The following RARRES1 variants were observed in gnomAD, a reference collection of about 807,000 sequenced individuals.
RARRES1 encodes retinoic acid receptor responder protein 1.
Under a neutral mutation model 30.6 loss-of-function variants are expected in RARRES1, and 34 were observed. The observed-to-expected ratio is 1.11, with a 90% CI of 0.84 to 1.48. The LOEUF is 1.48. RARRES1 is among the 40% of genes most tolerant of loss of function. The probability of loss-of-function intolerance (pLI) is 0.00; values close to 1 mark genes in which losing one functional copy is unlikely to be tolerated. For synonymous variants in RARRES1, 153 were observed against 155.5 expected, an observed-to-expected ratio of 0.98 and a Z score of 0.12; for missense variants, 373 against 386.5, an observed-to-expected ratio of 0.97 and a Z score of 0.29.
intron 1 of RARRES1, among the ~76,000 whole-genome samples, chr3:158,730,115 T>C (rs548986451): frequency 3.2e-4 from 48 of 150,486 alleles, no homozygotes; most frequent in South Asian, 3.2e-3. Flanking sequence ...AGGTCAGGAG[T>C]TCGAGAACAG....
intron 2 of RARRES1, among the ~76,000 whole-genome samples, 161 bp from the exon 3 acceptor site, chr3:158,711,094 A>G (rs1230955631): frequency 6.6e-6 from 1 of 152,140 alleles, no homozygotes; most frequent in Non-Finnish European, 1.5e-5. Flanking sequence ...AGCTGAATAC[A>G]ACAGTCCTTC....
At chr3:158,728,536 G>GTTTTTTTTTTTTTT (rs1553746148) in intron 1 of RARRES1, among the ~76,000 whole-genome samples, 4 of 141,692 alleles carry the variant, frequency 2.8e-5, no homozygotes, top group Non-Finnish European at 3.0e-5. Context: ...TTTTTTTTTG[G>GTTTTTTTTTTTTTT]TTTTTGAGAC....
chr3:158,699,446 C>CA (rs1242880939), intron 4 of RARRES1, among the ~76,000 whole-genome samples: 2 of 142,590 alleles, frequency 1.4e-5, no homozygotes, highest in Admixed American at 1.4e-4. Context: ...CCCCCCCCCA[C>CA]CAAAAAAGTT....
Position 158,732,456 on chromosome 3 carries a change from T to C in RARRES1, c.-41A>G. 6.6e-7 allele frequency: 1 copy of C among 1,516,716 alleles called. No individual in the cohort carries two copies. Among genetic ancestry groups the C allele is most frequent in the Non-Finnish European group, 8.8e-7 (1 of 1,137,186 alleles). The allele number at this position is 1,516,716 out of a possible 1,614,324, so 94.0% of individuals were successfully genotyped here. A position where few individuals can be genotyped will look rare whatever the true frequency, so the allele number is the denominator to read the frequency against. On this transcript the variant is annotated 5_prime_UTR_variant, in exon 1 of 6. Transcript: ENST00000237696. ...GGCTCGGCACCCGACAGACACGGGC[T>C]CGGAGCGGGCAGTGCCGGCGCTCGC... is the stretch of plus-strand genomic sequence containing the variant.
At chr3:158,730,417 T>TTCCTTCCTTCCC (rs1434418366) in intron 1 of RARRES1, among the ~76,000 whole-genome samples, 1 of 144,908 alleles carries the variant, frequency 6.9e-6, no homozygotes, top group African/African-American at 2.5e-5. Context: ...CCTTCCTTCC[T>TTCCTTCCTTCCC]CTCTCTCTTT....
At chr3:158,729,628 A>G (rs929507950) in intron 1 of RARRES1, among the ~76,000 whole-genome samples, 2 of 151,820 alleles carry the variant, frequency 1.3e-5, no homozygotes, top group South Asian at 2.1e-4. Context: ...TTCTTTTTGT[A>G]TTTTTAGTAG....
At chr3:158,715,731 A>G (rs1727301370) in intron 1 of RARRES1, among the ~76,000 whole-genome samples, 1 of 152,226 alleles carries the variant, frequency 6.6e-6, no homozygotes, top group Admixed American at 6.5e-5. Context: ...ATGTTATATA[A>G]CATGGTCTCC....
At chr3:158,725,395 C>G (rs150497335) in intron 1 of RARRES1, among the ~76,000 whole-genome samples, 1 of 152,196 alleles carries the variant, frequency 6.6e-6, no homozygotes, top group Non-Finnish European at 1.5e-5. Context: ...GTATAACCTT[C>G]CATGCCTCAC....
intron 1 of RARRES1, among the ~76,000 whole-genome samples, chr3:158,724,732 G>C (rs138789967): frequency 1.8e-4 from 27 of 152,304 alleles, no homozygotes; most frequent in African/African-American, 6.5e-4. Context: ...CAGAATTACT[G>C]TGATCCTTAA....
chr3:158,700,871 A>G (rs548969551), intron 4 of RARRES1, among the ~76,000 whole-genome samples: 107 of 152,290 alleles, frequency 7.0e-4, no homozygotes, highest in Non-Finnish European at 1.3e-3. Flanking sequence ...TTACTTGGTC[A>G]TAACCCAACC....
At chr3:158,721,728 G>A (rs895753316) in intron 1 of RARRES1, among the ~76,000 whole-genome samples, 4 of 152,182 alleles carry the variant, frequency 2.6e-5, no homozygotes, top group Non-Finnish European at 4.4e-5. Context: ...CATGTGGCAG[G>A]TCTACCCTCT....
intron 1 of RARRES1, among the ~76,000 whole-genome samples, chr3:158,730,365 CTCCT>C (rs61461024): frequency 0.024 from 2,893 of 120,146 alleles, 98 homozygotes; most frequent in African/African-American, 0.07. Context: ...GAATAGGTTG[CTCCT>C]TCCTTCCTTC....
At chr3:158,708,087 A>AT (rs1260617050) in intron 3 of RARRES1, among the ~76,000 whole-genome samples, 10 of 151,988 alleles carry the variant, frequency 6.6e-5, no homozygotes, top group Admixed American at 6.6e-4. Flanking sequence ...TCACGAATGA[A>AT]TTTTTTTTTC....
chr3:158,713,913 A>T (rs2279561), intron 1 of RARRES1, 54 bp from the exon 2 acceptor site: 315,388 of 1,458,246 alleles, frequency 0.22, 35,330 homozygotes, highest in Non-Finnish European at 0.24. Context: ...AAACATCCTC[A>T]TATCCAGGAA....
intron 1 of RARRES1, among the ~76,000 whole-genome samples, chr3:158,730,365 C>CTCCCTCCTTCCTTCCTTCCT (rs1553746334): frequency 8.3e-6 from 1 of 120,240 alleles, no homozygotes; most frequent in South Asian, 2.9e-4. Context: ...GAATAGGTTG[C>CTCCCTCCTTCCTTCCTTCCT]TCCTTCCTTC....
chr3:158,709,373 T>C (rs1296131921), intron 3 of RARRES1, among the ~76,000 whole-genome samples: 1 of 152,210 alleles, frequency 6.6e-6, no homozygotes, highest in Non-Finnish European at 1.5e-5. Context: ...AATTCCTAAA[T>C]AAGTGTAGAT....
Position 158,732,445 on chromosome 3 carries a change from C to T in RARRES1, c.-30G>A. On this transcript the variant is annotated 5_prime_UTR_variant, in exon 1 of 6. Transcript: ENST00000237696. ...GCAGGAAAGTTGGCTCGGCACCCGA[C>T]AGACACGGGCTCGGAGCGGGCAGTG... 6.6e-7 allele frequency: 1 copy of T among 1,517,694 alleles called. No homozygotes were observed. Among genetic ancestry groups the T allele is most frequent in the Non-Finnish European group, 8.8e-7 (1 of 1,137,784 alleles). 94.0% of individuals were successfully genotyped at this position (1,517,694 alleles called of 1,614,324 possible). A position where few individuals can be genotyped will look rare whatever the true frequency, so the allele number is the denominator to read the frequency against.
chr3:158,711,952 TC>T lies in RARRES1; in HGVS notation c.340-1020del, dbSNP rs200381231. ...GGGATCTCCCTCACTTATTTTATAA[TC>T]CAGAAACATCTGGAGCTTCAACTAG... On this transcript the variant is annotated intron_variant, in intron 2 of 5. Transcript: ENST00000237696. Among the ~76,000 whole-genome samples the T allele has an allele frequency of 3.6e-3, 544 of 152,336 alleles. 1 individual carries two copies. The highest frequency in any genetic ancestry group is 0.012 in the African/African-American group (495 of 41,582).
chr3:158,704,210 C>CTTTTTT lies in RARRES1; in HGVS notation c.672+575_672+580dup, dbSNP rs78169321. ...AGGCCTTGCCTAGAATATTGCAATA[C>CTTTTTT]TTTTTTTTTTTTTTTTTTTTTTTTT... On this transcript the variant is annotated intron_variant, in intron 4 of 5. Coordinates refer to ENST00000237696, the MANE Select transcript of RARRES1 (RefSeq NM_206963.2). Among the ~76,000 whole-genome samples the CTTTTTT allele has an allele frequency of 2.1e-4, 17 of 82,842 alleles. 1 individual carries two copies. Among genetic ancestry groups the CTTTTTT allele is most frequent in the South Asian group, 4.7e-4 (1 of 2,126 alleles). 54.3% of individuals were successfully genotyped at this position (82,842 alleles called of 152,430 possible). A position where few individuals can be genotyped will look rare whatever the true frequency, so the allele number is the denominator to read the frequency against.
Sources: gnomAD v4.1 joint callset for allele counts (sites outside exome capture counted in the v4.1 genomes callset) on GRCh38, gnomAD v4.1.1 for gene constraint, MANE v1.5 for transcripts, NCBI Gene and HGNC (gene_info 2026-07-23, HGNC 2026-07-21) for gene names.